The following CD3G variants were observed in gnomAD, a reference collection of about 807,000 sequenced individuals.
The protein encoded by CD3G is T-cell surface glycoprotein CD3 gamma chain.
A neutral mutation model predicts 28.3 loss-of-function variants in CD3G; 24 were observed. The observed-to-expected ratio is 0.85, with a 90% CI of 0.61 to 1.19. The LOEUF (loss-of-function observed/expected upper bound fraction) is 1.19. Ranked by LOEUF, CD3G falls within the 50% of genes most tolerant of loss-of-function variation. The pLI is 0.00. For synonymous variants in CD3G, 71 were observed against 75.9 expected, an observed-to-expected ratio of 0.93 and a Z score of 0.34; for missense variants, 211 against 210.0, an observed-to-expected ratio of 1.00 and a Z score of -0.03.
At chr11:118,349,342 T>C in intron 2 of CD3G, 1 of 1,301,818 alleles carries the variant, frequency 7.7e-7, no homozygotes, top group African/African-American at 1.5e-5. Flanking sequence ...TCACCTGGGA[T>C]CCTGACGTTA....
chr11:118,351,489 C>A lies in CD3G; in HGVS notation c.440-139C>A, dbSNP rs558569461. 1.0e-4 allele frequency: 81 copies of A among 772,740 alleles called. 2 individuals carry two copies. In the South Asian group the frequency reaches 1.2e-3, roughly 11 times the overall value. 47.9% of individuals were successfully genotyped at this position (772,740 alleles called of 1,614,324 possible). Reference sequence around the variant, plus strand: ...ATTCTTGTGAGTAGCTTCTTTCACTCAACAACATGTTTATGTGCTTTATCC... The same window carrying A: ...ATTCTTGTGAGTAGCTTCTTTCACTAAACAACATGTTTATGTGCTTTATCC... On this transcript the variant is annotated intron_variant, in intron 4 of 6. Transcript: ENST00000532917.
chr11:118,355,088 T>G lies in CD3G; in HGVS notation c.*1988T>G, dbSNP rs1012495061. On this transcript the variant is annotated 3_prime_UTR_variant, in exon 7 of 7. Transcript: ENST00000532917. The stretch of plus-strand genomic sequence containing the variant: ...CTTTTTACAGCTTTATGGTTTTAGC[T>G]CTAACAATAAATGTGATTTTGAACA... 2.6e-5 allele frequency: 4 copies of G among 152,056 alleles called. No individual in the cohort carries two copies. The highest frequency in any genetic ancestry group is 9.7e-5 in the African/African-American group (4 of 41,388). The allele number at this position is 152,056 out of a possible 1,614,324, so 9.4% of individuals were successfully genotyped here. A position where few individuals can be genotyped will look rare whatever the true frequency, so the allele number is the denominator to read the frequency against.
chr11:118,350,675 A>T lies in CD3G; in HGVS notation c.431A>T (p.Gln144Leu). The change falls in exon 4 of 7, where the codon CAG (glutamine) becomes CTG (leucine). Residue 144 changes from glutamine (Q) to leucine (L), a missense_variant. Gln to Leu is a moderately radical substitution (Grantham distance 113, BLOSUM62 -2). Transcript: ENST00000532917. ...ATTGCTGGACAGGATGGAGTTCGCC[A>T]GTCGAGAGGTAAAAGAATGCTCTTA... ...YFIAGQDGVR[Q>L]SRASDKQTLL... The T allele has an allele frequency of 6.2e-7, 1 of 1,613,844 alleles. No homozygotes were observed. Among genetic ancestry groups the T allele is most frequent in the Non-Finnish European group, 8.5e-7 (1 of 1,179,948 alleles).
At chr11:118,350,887 GT>G in intron 4 of CD3G, 4 of 555,568 alleles carry the variant, frequency 7.2e-6, no homozygotes, top group Non-Finnish European at 6.7e-6. Flanking sequence ...AGCTCCCTCT[GT>G]GAAAAAAAAA....
At chr11:118,345,637 T>C (rs938560982) in intron 1 of CD3G, among the ~76,000 whole-genome samples, 1 of 151,984 alleles carries the variant, frequency 6.6e-6, no homozygotes, top group South Asian at 2.1e-4. Flanking sequence ...AAGGAGAAGA[T>C]GATGAGTAGA....
chr11:118,351,812 G>C, intron 5 of CD3G, 141 bp downstream of exon 5: 1 of 753,832 alleles, frequency 1.3e-6, no homozygotes, highest in South Asian at 1.6e-5. Flanking sequence ...AGTTTGGGTA[G>C]AATAAATGAA....
Position 118,344,438 on chromosome 11 carries a change from G to T in CD3G, c.15G>T (p.Lys5Asn). 1 of 1,571,888 alleles carries T rather than the reference G, an allele frequency of 6.4e-7. No individual in the cohort carries two copies. The highest frequency in any genetic ancestry group is 2.3e-5 in the East Asian group (1 of 43,160). The change falls in exon 1 of 7, where the codon AAG (lysine) becomes AAT (asparagine). Residue 5 changes from lysine to asparagine, a missense_variant. By Grantham distance (94) the Lys-to-Asn change is moderately conservative. Transcript: ENST00000532917. ...CAGAGACTGACATGGAACAGGGGAA[G>T]GGCCTGGCTGTCCTCATCCTGGCTA... Reference protein sequence around the residue: MEQGKGLAVLILAII... With the variant: MEQGNGLAVLILAII...
chr11:118,350,760 GAAGA>G lies in CD3G; in HGVS notation c.439+78_439+81del, dbSNP rs1305729379. On this transcript the variant is annotated intron_variant, in intron 4 of 6. Coordinates refer to ENST00000532917, the MANE Select transcript of CD3G (RefSeq NM_000073.3). ...TCCTCCTACCATTATGTACCCAATG[GAAGA>G]GACTGAGTTGGTGCTTCTTGCTAGT... 1.9e-6 allele frequency: 3 copies of G among 1,609,146 alleles called. No homozygotes were observed. In the African/African-American group the frequency reaches 4.0e-5, roughly 22 times the overall value.
chr11:118,344,357 C>G lies in CD3G; in HGVS notation c.-67C>G. 1 of 1,375,212 alleles carries G rather than the reference C, an allele frequency of 7.3e-7. No homozygotes were observed. Among genetic ancestry groups the G allele is most frequent in the Non-Finnish European group, 1.0e-6 (1 of 995,134 alleles). The allele number at this position is 1,375,212 out of a possible 1,614,324, so 85.2% of individuals were successfully genotyped here. A position where few individuals can be genotyped will look rare whatever the true frequency, so the allele number is the denominator to read the frequency against. On this transcript the variant is annotated 5_prime_UTR_variant, in exon 1 of 7. Transcript: ENST00000532917. The stretch of plus-strand genomic sequence containing the variant: ...ATGGGTGGAGCCAGTCTAGCTGCTG[C>G]ACAGGCTGGCTGGCTGGCTGGCTGC...
rs1298398316 is a variant in CD3G, at chr11:118,353,010, T to C, written c.*19-109T>C. 3 of 163,500 alleles carry C rather than the reference T, an allele frequency of 1.8e-5. No individual in the cohort carries two copies. In the East Asian group the frequency reaches 4.9e-4, roughly 27 times the overall value. The allele number at this position is 163,500 out of a possible 1,614,324, so 10.1% of individuals were successfully genotyped here. ...ATTAACCTTCCAATCAATAAATCAA[T>C]CAGTCAGAAGTTATGATTTAATTAA... On this transcript the variant is annotated intron_variant, in intron 6 of 6. Transcript: ENST00000532917.
At position 118,344,411 on chromosome 11, in the gene CD3G, G is replaced by T. The variant is rs1283080149; in HGVS notation, c.-13G>T. On this transcript the variant is annotated 5_prime_UTR_variant, in exon 1 of 7. Transcript: ENST00000532917. The stretch of plus-strand genomic sequence containing the variant: ...GGGCTGCTCCACGCTTTTGCCGGAG[G>T]ACAGAGACTGACATGGAACAGGGGA... 6.4e-7 allele frequency: 1 copy of T among 1,564,114 alleles called. No homozygotes were observed. The highest frequency in any genetic ancestry group is 2.4e-5 in the East Asian group (1 of 42,450).
intron 1 of CD3G, 96 bp downstream of exon 1, chr11:118,344,574 C>A: frequency 9.5e-7 from 1 of 1,051,356 alleles, no homozygotes; most frequent in Non-Finnish European, 1.4e-6. Flanking sequence ...TAACCTTCAG[C>A]CTACCTCTGC....
At chr11:118,347,920 C>A (rs1948371793) in intron 1 of CD3G, among the ~76,000 whole-genome samples, 1 of 152,196 alleles carries the variant, frequency 6.6e-6, no homozygotes, top group Non-Finnish European at 1.5e-5. Context: ...TGCTGCCAGT[C>A]AACTCTGAGT....
chr11:118,349,571 C>G (rs1948386616), intron 2 of CD3G, 172 bp from the exon 3 acceptor site: 2 of 670,990 alleles, frequency 3.0e-6, no homozygotes, highest in South Asian at 1.8e-5. Flanking sequence ...AATGCAGAAT[C>G]TCCCCTCCCC....
At chr11:118,351,198 A>C (rs1372938050) in intron 4 of CD3G, among the ~76,000 whole-genome samples, 3 of 151,676 alleles carry the variant, frequency 2.0e-5, no homozygotes, top group Non-Finnish European at 4.4e-5. Flanking sequence ...AAAAAAAAAA[A>C]AAAAAAAACT....
chr11:118,353,034 A>T (rs1389234612), intron 6 of CD3G, 85 bp from the exon 7 acceptor site: 1 of 159,772 alleles, frequency 6.3e-6, no homozygotes, highest in Admixed American at 5.8e-5. Flanking sequence ...TGATTTAATT[A>T]ATCTATCTGA....
chr11:118,349,987 G>A lies in CD3G; in HGVS notation c.307+17G>A. The A allele has an allele frequency of 6.3e-7, 1 of 1,594,914 alleles. No individual in the cohort carries two copies. The highest frequency in any genetic ancestry group is 8.6e-7 in the Non-Finnish European group (1 of 1,163,222). On this transcript the variant is annotated intron_variant, in intron 3 of 6. Transcript: ENST00000532917. Reference sequence around the variant, plus strand: ...ATTACAGAAGTATGTAATCCCCTTTGGTCTGTTTGTTGTGAAATTAATCAG... The same window carrying A: ...ATTACAGAAGTATGTAATCCCCTTTAGTCTGTTTGTTGTGAAATTAATCAG...
At position 118,349,039 on chromosome 11, in the gene CD3G, A is replaced by G. The variant is rs1565521451; in HGVS notation, c.68A>G (p.Gln23Arg). The G allele has an allele frequency of 2.5e-6, 4 of 1,614,182 alleles. No homozygotes were observed. Among genetic ancestry groups the G allele is most frequent in the Non-Finnish European group, 3.4e-6 (4 of 1,180,022 alleles). ...TCTGTCTTTACAGGTACTTTGGCCCAGTCAATCAAAGGTAGGAGAAATGGC... is the reference window on the plus strand; with the variant it reads ...TCTGTCTTTACAGGTACTTTGGCCCGGTCAATCAAAGGTAGGAGAAATGGC... ...AIILLQGTLAQSIKGNHLVKV... is the reference protein window; with the variant it reads ...AIILLQGTLARSIKGNHLVKV... The change falls in exon 2 of 7, where the codon CAG becomes CGG. Residue 23 changes from glutamine to arginine, a missense_variant. Gln to Arg is a conservative substitution (Grantham distance 43). Coordinates refer to ENST00000532917, the MANE Select transcript of CD3G (RefSeq NM_000073.3).
rs868083852 is a variant in CD3G, at chr11:118,345,971, A to C, written c.55+1493A>C. 4.6e-5 allele frequency among the ~76,000 whole-genome samples: 7 copies of C among 152,350 alleles called. No individual in the cohort carries two copies. In the South Asian group the frequency reaches 1.4e-3, roughly 32 times the overall value. On this transcript the variant is annotated intron_variant, in intron 1 of 6. Coordinates refer to ENST00000532917, the MANE Select transcript of CD3G (RefSeq NM_000073.3). ...AGGAAAAGTCAGGTAAAGACAACACAGGTTGAGGAGCAACTCTCAAGCCTG... is the reference window on the plus strand; with the variant it reads ...AGGAAAAGTCAGGTAAAGACAACACCGGTTGAGGAGCAACTCTCAAGCCTG...
Sources: gnomAD v4.1 joint callset for allele counts (sites outside exome capture counted in the v4.1 genomes callset) on GRCh38, gnomAD v4.1.1 for gene constraint, MANE v1.5 for transcripts, NCBI Gene and HGNC (gene_info 2026-07-23, HGNC 2026-07-21) for gene names.